Variants in FLT1 observed in about 807,000 individuals in gnomAD.
FLT1 encodes the protein vascular endothelial growth factor receptor 1.
Under a neutral mutation model 156.3 loss-of-function variants are expected in FLT1, and 49 were observed. The observed-to-expected ratio is 0.31, with a 90% CI of 0.25 to 0.40. FLT1 has a LOEUF of 0.40. FLT1 is among the 10% of genes least tolerant of loss of function. The pLI is 1.00. For synonymous variants in FLT1, 594 were observed against 583.8 expected, an observed-to-expected ratio of 1.02 and a Z score of -0.25; for missense variants, 1,322 against 1,637.2, an observed-to-expected ratio of 0.81 and a Z score of 3.32.
intron 25 of FLT1, among the ~76,000 whole-genome samples, chr13:28,315,515 C>T (rs1871162147): frequency 3.3e-5 from 5 of 152,136 alleles, no homozygotes. Flanking sequence ...GAGATCACGC[C>T]ACTGCACTCT....
chr13:28,391,517 C>T (rs1216400861), intron 12 of FLT1, among the ~76,000 whole-genome samples: 1 of 152,208 alleles, frequency 6.6e-6, no homozygotes, highest in Non-Finnish European at 1.5e-5. Context: ...CCTTTCCAGG[C>T]GGAACCAGTG....
intron 25 of FLT1, among the ~76,000 whole-genome samples, chr13:28,314,486 A>G (rs1464691414): frequency 3.9e-5 from 6 of 152,312 alleles, no homozygotes; most frequent in African/African-American, 1.4e-4. Flanking sequence ...CAACAACTCA[A>G]TGTTACAAGA....
intron 29 of FLT1, 123 bp from the exon 30 acceptor site, chr13:28,303,491 A>AAC: frequency 2.8e-6 from 2 of 707,306 alleles, no homozygotes; most frequent in Admixed American, 2.8e-5. Flanking sequence ...ATGGTTTTGG[A>AAC]ACCCCCCCCC....
At chr13:28,385,106 AAAT>A in intron 13 of FLT1, 75 bp from the exon 14 acceptor site, 1 of 1,470,754 alleles carries the variant, frequency 6.8e-7, no homozygotes, top group South Asian at 1.1e-5. Context: ...TCAACATTTA[AAAT>A]ATACAGAGAA....
intron 3 of FLT1, among the ~76,000 whole-genome samples, chr13:28,457,453 T>TGAAG (rs1037693751): frequency 2.6e-5 from 4 of 152,070 alleles, no homozygotes; most frequent in Non-Finnish European, 5.9e-5. Context: ...TGACATTTGA[T>TGAAG]GAAGGAAGGA....
intron 13 of FLT1, chr13:28,387,122 C>G: frequency 1.9e-6 from 2 of 1,035,804 alleles, no homozygotes; most frequent in South Asian, 9.2e-5. Flanking sequence ...ATCCCAAAGG[C>G]CTTATTTGTA....
intron 17 of FLT1, among the ~76,000 whole-genome samples, chr13:28,336,748 T>A (rs540388211): frequency 6.7e-6 from 1 of 149,400 alleles, no homozygotes; most frequent in South Asian, 2.1e-4. Flanking sequence ...CTAACTTTTT[T>A]TTTTTTTTTT....
rs756744794 is a variant in FLT1 at position 28,306,698 on chromosome 13, G to A, written c.3795C>T (p.Pro1265=). Residue 1265 remains proline (P), a synonymous_variant, in exon 29 of 30, where the codon CCC becomes CCT. Transcript: ENST00000282397. The part of the protein sequence containing the change: ...LKRFTWTDSK[P]KASLKIDLRV... The stretch of plus-strand genomic sequence containing the variant: ...CTTACTCAATCTTGAGCGAGGCCTT[G>A]GGTTTGCTGTCAGTCCAGGTGAAGC... The A allele has an allele frequency of 6.2e-7, 1 of 1,613,448 alleles. No individual in the cohort carries two copies. The highest frequency in any genetic ancestry group is 8.5e-7 in the Non-Finnish European group (1 of 1,179,408).
chr13:28,431,575 C>A (rs754191707), intron 6 of FLT1, among the ~76,000 whole-genome samples: 4 of 152,184 alleles, frequency 2.6e-5, no homozygotes, highest in Non-Finnish European at 4.4e-5. Context: ...TTTGTCCCAA[C>A]AACCTAATGA....
intron 12 of FLT1, chr13:28,396,687 A>C (rs1240198753): frequency 9.1e-6 from 5 of 551,290 alleles, no homozygotes; most frequent in Non-Finnish European, 1.6e-5. Flanking sequence ...GAAGGGAATG[A>C]AAAAATGAGC....
intron 15 of FLT1, among the ~76,000 whole-genome samples, chr13:28,355,155 C>T (rs548380505): frequency 7.9e-5 from 12 of 152,258 alleles, no homozygotes; most frequent in South Asian, 2.1e-4. Flanking sequence ...AGAGGAAGGG[C>T]GGAAATATTC....
chr13:28,454,123 T>A (rs2137593716), intron 3 of FLT1, among the ~76,000 whole-genome samples: 1 of 152,302 alleles, frequency 6.6e-6, no homozygotes, highest in Non-Finnish European at 1.5e-5. Context: ...TGGTTAATTG[T>A]AACTCATTTT....
intron 1 of FLT1, among the ~76,000 whole-genome samples, chr13:28,469,754 A>T (rs569588136): frequency 1.3e-5 from 2 of 151,992 alleles, no homozygotes; most frequent in African/African-American, 4.8e-5. Flanking sequence ...TTAAATTTTT[A>T]TTTTATTTTA....
intron 14 of FLT1, among the ~76,000 whole-genome samples, chr13:28,380,636 ATTATTC>A (rs1874038244): frequency 1.5e-5 from 2 of 129,488 alleles, no homozygotes; most frequent in South Asian, 5.5e-4. Flanking sequence ...GTTTTTAGAT[ATTATTC>A]TTTTGGTTTG....
chr13:28,417,419 T>C (rs934961844), intron 10 of FLT1, among the ~76,000 whole-genome samples: 5 of 152,048 alleles, frequency 3.3e-5, no homozygotes, highest in Non-Finnish European at 7.4e-5. Flanking sequence ...TGGTGCGGCC[T>C]CTAAACTGCA....
Position 28,494,930 on chromosome 13 carries a change from G to T in FLT1, c.-87C>A. The stretch of plus-strand genomic sequence containing the variant: ...GCCAGAGTCCGTCCTCTCGTTCGCC[G>T]CCGCCGGCCCCGCGCCCTGAGCGCC... On this transcript the variant is annotated 5_prime_UTR_variant, in exon 1 of 30. Coordinates refer to ENST00000282397, the MANE Select transcript of FLT1 (RefSeq NM_002019.4). The T allele has an allele frequency of 9.2e-7, 1 of 1,086,620 alleles. No homozygotes were observed. The highest frequency in any genetic ancestry group is 1.3e-6 in the Non-Finnish European group (1 of 791,942). The allele number at this position is 1,086,620 out of a possible 1,614,324, so 67.3% of individuals were successfully genotyped here.
At chr13:28,353,209 C>T (rs1872780514) in intron 15 of FLT1, among the ~76,000 whole-genome samples, 1 of 152,144 alleles carries the variant, frequency 6.6e-6, no homozygotes, top group South Asian at 2.1e-4. Context: ...AGTTATTCTT[C>T]TTCAAGTTGT....
intron 29 of FLT1, among the ~76,000 whole-genome samples, chr13:28,304,789 G>C (rs1045242076): frequency 3.3e-5 from 5 of 152,112 alleles, no homozygotes; most frequent in African/African-American, 9.7e-5. Flanking sequence ...TCATGCAATA[G>C]GAAATATTTT....
chr13:28,490,022 C>A (rs549722676), intron 1 of FLT1, among the ~76,000 whole-genome samples: 10 of 152,256 alleles, frequency 6.6e-5, no homozygotes, highest in Admixed American at 6.5e-4. Context: ...ATCTGTCTTC[C>A]GTCTGGGGAA....
Sources: gnomAD v4.1 joint callset for allele counts (sites outside exome capture counted in the v4.1 genomes callset) on GRCh38, gnomAD v4.1.1 for gene constraint, MANE v1.5 for transcripts, NCBI Gene and HGNC (gene_info 2026-07-23, HGNC 2026-07-21) for gene names.